Variants in UBE2E2 observed in about 807,000 individuals in gnomAD.
UBE2E2 encodes the protein ubiquitin-conjugating enzyme E2 E2.
UBE2E2 carries 6 observed loss-of-function variants against 24.7 expected under a neutral mutation model. The observed-to-expected ratio is 0.24, with a 90% confidence interval of 0.13 to 0.48. The LOEUF is 0.48. Among genes scored for constraint, UBE2E2 ranks in the 20% least tolerant of loss-of-function variants. The probability of loss-of-function intolerance (pLI) is 0.99; values close to 1 mark genes in which losing one functional copy is unlikely to be tolerated. For missense variants in UBE2E2, 169 were observed against 245.0 expected, an observed-to-expected ratio of 0.69 and a Z score of 2.07; for synonymous variants, 104 against 83.6, an observed-to-expected ratio of 1.24 and a Z score of -1.33.
chr3:23,581,406 G>A (rs1403502416), intron 5 of UBE2E2, among the ~76,000 whole-genome samples: 1 of 152,164 alleles, frequency 6.6e-6, no homozygotes, highest in East Asian at 1.9e-4. Flanking sequence ...GCCATGCTGA[G>A]TTTGGATTTT....
intron 3 of UBE2E2, among the ~76,000 whole-genome samples, chr3:23,226,410 G>A (rs1696827389): frequency 1.3e-5 from 2 of 151,920 alleles, no homozygotes; most frequent in South Asian, 4.2e-4. Context: ...ACTTTTGAAG[G>A]ATTTCTGTAT....
At chr3:23,248,111 C>G (rs373748974) in intron 3 of UBE2E2, among the ~76,000 whole-genome samples, 24 of 151,246 alleles carry the variant, frequency 1.6e-4, no homozygotes, top group African/African-American at 5.8e-4. Flanking sequence ...TGATGCCCAT[C>G]TTTTTTGTAG....
intron 5 of UBE2E2, among the ~76,000 whole-genome samples, chr3:23,556,454 T>TTTAAAAAA (rs1553620573): frequency 1.1e-5 from 1 of 94,336 alleles, no homozygotes. Flanking sequence ...AAAATTTATT[T>TTTAAAAAA]AAAAAAAAAA....
At chr3:23,311,234 C>T (rs1441715142) in intron 3 of UBE2E2, among the ~76,000 whole-genome samples, 1 of 152,168 alleles carries the variant, frequency 6.6e-6, no homozygotes, top group Admixed American at 6.5e-5. Flanking sequence ...ATATGTGCCA[C>T]ATTTTCTTAA....
chr3:23,446,326 T>A (rs146254182), intron 3 of UBE2E2, among the ~76,000 whole-genome samples: 1,552 of 152,344 alleles, frequency 0.01, 13 homozygotes, highest in Middle Eastern at 0.02. Context: ...TGGCAGTGTG[T>A]GCCCATAACC....
chr3:23,446,053 C>T (rs116388385), intron 3 of UBE2E2, among the ~76,000 whole-genome samples: 132 of 152,204 alleles, frequency 8.7e-4, no homozygotes, highest in African/African-American at 2.9e-3. Context: ...ACCATGAGAT[C>T]CATTGGTCAC....
At chr3:23,481,545 C>A (rs1299544583) in intron 3 of UBE2E2, among the ~76,000 whole-genome samples, 1 of 152,180 alleles carries the variant, frequency 6.6e-6, no homozygotes, top group Admixed American at 6.5e-5. Flanking sequence ...AATTAAAGCT[C>A]CCCTAATGGT....
intron 5 of UBE2E2, among the ~76,000 whole-genome samples, chr3:23,541,767 A>C (rs966940433): frequency 4.6e-5 from 7 of 152,208 alleles, no homozygotes; most frequent in Non-Finnish European, 8.8e-5. Flanking sequence ...TGTTTGTGCT[A>C]TTCAAGTGCC....
chr3:23,288,775 ACTT>A (rs968673216), intron 3 of UBE2E2, among the ~76,000 whole-genome samples: 28 of 152,236 alleles, frequency 1.8e-4, no homozygotes, highest in South Asian at 1.2e-3. Context: ...AAAAAAAAAA[ACTT>A]CTCTGAGCAA....
chr3:23,589,350 G>A lies in UBE2E2; in HGVS notation c.509-384G>A, dbSNP rs576980828. On this transcript the variant is annotated intron_variant, in intron 5 of 5. Coordinates refer to ENST00000396703, the MANE Select transcript of UBE2E2 (RefSeq NM_152653.4). The surrounding 1 kb of genome is among the most constrained non-coding windows in gnomAD (Gnocchi z 4.1). ...CAGGAGGAGGATTGCTTGATCCCAG[G>A]AGGTCAAGGCTACACTGAGCTGTGA... 6.6e-6 allele frequency among the ~76,000 whole-genome samples: 1 copy of A among 151,954 alleles called. No homozygotes were observed. Among genetic ancestry groups the A allele is most frequent in the South Asian group, 2.1e-4 (1 of 4,798 alleles).
chr3:23,588,178 T>C (rs1420543393), intron 5 of UBE2E2, among the ~76,000 whole-genome samples: 1 of 152,158 alleles, frequency 6.6e-6, no homozygotes, highest in Non-Finnish European at 1.5e-5. Flanking sequence ...TTCTCTACTA[T>C]TTTTTTCCTA....
intron 5 of UBE2E2, among the ~76,000 whole-genome samples, chr3:23,559,016 T>A (rs2125503230): frequency 6.6e-6 from 1 of 152,312 alleles, no homozygotes; most frequent in South Asian, 2.1e-4. Flanking sequence ...GTCAAATAAG[T>A]CACTGGAAAA....
At chr3:23,506,560 G>A (rs375573227) in intron 4 of UBE2E2, among the ~76,000 whole-genome samples, 19 of 152,198 alleles carry the variant, frequency 1.2e-4, no homozygotes, top group Middle Eastern at 3.4e-3. Context: ...GCAAACCACC[G>A]TCAACTGTTC....
chr3:23,211,694 C>T (rs1470324943), intron 2 of UBE2E2, among the ~76,000 whole-genome samples: 1 of 152,080 alleles, frequency 6.6e-6, no homozygotes, highest in Non-Finnish European at 1.5e-5. Context: ...CTGTGCCTAG[C>T]CTCTGTGATC....
Position 23,591,541 on chromosome 3 carries a change from TG to T in UBE2E2, c.*1711del, listed in dbSNP as rs1696763335. 6.6e-6 allele frequency: 1 copy of T among 152,236 alleles called. No individual in the cohort carries two copies. Among genetic ancestry groups the T allele is most frequent in the Non-Finnish European group, 1.5e-5 (1 of 68,048 alleles). 9.4% of individuals were successfully genotyped at this position (152,236 alleles called of 1,614,324 possible). ...AACATTTCTCAGCATAGCAGGGCAC[TG>T]TATGGTCTCTGATGCACTACTCAAC... On this transcript the variant is annotated 3_prime_UTR_variant, in exon 6 of 6. Coordinates refer to ENST00000396703, the MANE Select transcript of UBE2E2 (RefSeq NM_152653.4).
chr3:23,266,605 T>G (rs1220764404), intron 3 of UBE2E2, among the ~76,000 whole-genome samples: 11 of 152,094 alleles, frequency 7.2e-5, no homozygotes, highest in Admixed American at 7.2e-4. Flanking sequence ...TTGCTGAATC[T>G]GACAATTATG....
intron 3 of UBE2E2, among the ~76,000 whole-genome samples, chr3:23,453,575 C>A (rs1238377189): frequency 6.6e-6 from 1 of 152,090 alleles, no homozygotes; most frequent in Non-Finnish European, 1.5e-5. Flanking sequence ...GAGGTGCTTA[C>A]AACAGTGGTT....
intron 3 of UBE2E2, among the ~76,000 whole-genome samples, chr3:23,441,473 A>G (rs1038648242): frequency 5.4e-5 from 8 of 147,930 alleles, no homozygotes; most frequent in African/African-American, 2.0e-4. Context: ...CGGGAGGCAG[A>G]GCTTGCAGTG....
At chr3:23,494,394 G>A (rs1328308943) in intron 3 of UBE2E2, among the ~76,000 whole-genome samples, 2 of 152,138 alleles carry the variant, frequency 1.3e-5, no homozygotes, top group Non-Finnish European at 2.9e-5. Flanking sequence ...TAGGTAAATA[G>A]TAATTATTAA....
Sources: allele counts gnomAD v4.1 joint callset (sites outside exome capture counted in the v4.1 genomes callset), GRCh38; gene constraint gnomAD v4.1.1; non-coding constraint Gnocchi (gnomAD v3.1); transcripts MANE v1.5; gene names NCBI Gene and HGNC (gene_info 2026-07-23, HGNC 2026-07-21).